ZMYND12: variants seen among roughly 807,000 people sequenced by gnomAD.
ZMYND12 encodes the protein zinc finger MYND-type containing 12.
Under a neutral mutation model 41.7 loss-of-function variants are expected in ZMYND12, and 32 were observed. That is an observed-to-expected ratio of 0.77 (90% CI 0.58 to 1.03). ZMYND12 has a LOEUF of 1.03. Ranked by LOEUF, ZMYND12 falls within the 50% of genes least tolerant of loss-of-function variation. ZMYND12 has a pLI of 0.00. For missense variants in ZMYND12, 424 were observed against 438.5 expected (o/e 0.97, Z 0.30); for synonymous variants, 148 against 164.8 (o/e 0.90, Z 0.78).
At chr1:42,433,018 T>G in intron 7 of ZMYND12, 125 bp downstream of exon 7, 1 of 1,227,128 alleles carries the variant, frequency 8.1e-7, no homozygotes, top group Non-Finnish European at 1.2e-6. Context: ...CATCTGAACC[T>G]CTTTGGAGTG....
intron 4 of ZMYND12, 80 bp from the exon 5 acceptor site, chr1:42,436,623 C>T (rs1202723776): frequency 6.0e-6 from 9 of 1,503,112 alleles, no homozygotes; most frequent in Admixed American, 2.1e-5. Flanking sequence ...ATCTAGAATA[C>T]ATACAAAAAA....
chr1:42,451,356 G>A (rs1046719144), intron 1 of ZMYND12, among the ~76,000 whole-genome samples: 1 of 152,162 alleles, frequency 6.6e-6, no homozygotes, highest in African/African-American at 2.4e-5. Flanking sequence ...GTTGTTAGAT[G>A]CATAGTCATG....
At chr1:42,436,270 A>G in intron 5 of ZMYND12, 151 bp downstream of exon 5, 2 of 986,238 alleles carry the variant, frequency 2.0e-6, no homozygotes, top group Non-Finnish European at 2.9e-6. Flanking sequence ...GGAGTATATC[A>G]TGTATCAGGC....
At chr1:42,453,131 A>C (rs746644184) in intron 1 of ZMYND12, among the ~76,000 whole-genome samples, 5 of 152,216 alleles carry the variant, frequency 3.3e-5, no homozygotes, top group East Asian at 1.9e-4. Flanking sequence ...ATAGAACAAC[A>C]ACCTCAGTTT....
chr1:42,439,259 TTC>T (rs935759143), intron 4 of ZMYND12, among the ~76,000 whole-genome samples: 8 of 142,672 alleles, frequency 5.6e-5, no homozygotes, highest in African/African-American at 2.1e-4. Flanking sequence ...AGCAAAGCCC[TTC>T]TCTCTCTCTC....
Position 42,439,850 on chromosome 1 carries a change from G to A in ZMYND12, c.594+6C>T. 1.2e-6 allele frequency: 2 copies of A among 1,603,662 alleles called. No individual in the cohort carries two copies. The highest frequency in any genetic ancestry group is 2.7e-5 in the African/African-American group (2 of 74,410). On this transcript the variant is annotated splice_donor_region_variant and intron_variant, in intron 4 of 7. Coordinates refer to ENST00000372565, the MANE Select transcript of ZMYND12 (RefSeq NM_032257.5). Reference sequence around the variant, plus strand: ...ATATACAGGTGTTATAACTTAGCTTGTTTACATCATTGGCCAGATGATAAC... The same window carrying A: ...ATATACAGGTGTTATAACTTAGCTTATTTACATCATTGGCCAGATGATAAC...
intron 7 of ZMYND12, among the ~76,000 whole-genome samples, chr1:42,431,605 T>C (rs1005120409): frequency 6.6e-6 from 1 of 152,208 alleles, no homozygotes; most frequent in South Asian, 2.1e-4. Flanking sequence ...GATGGATAGA[T>C]AGATGTGTGC....
At chr1:42,447,431 T>G (rs1442637996) in intron 3 of ZMYND12, among the ~76,000 whole-genome samples, 1 of 152,234 alleles carries the variant, frequency 6.6e-6, no homozygotes, top group African/African-American at 2.4e-5. Context: ...AGAGTTTTGT[T>G]GCCAACACAT....
chr1:42,432,225 TTTTTA>T (rs1642861591), intron 7 of ZMYND12, among the ~76,000 whole-genome samples: 1 of 151,550 alleles, frequency 6.6e-6, no homozygotes, highest in Non-Finnish European at 1.5e-5. Flanking sequence ...CCGGCTGATC[TTTTTA>T]TTTTTATTTT....
intron 3 of ZMYND12, among the ~76,000 whole-genome samples, chr1:42,443,854 A>C (rs1232359370): frequency 2.0e-5 from 3 of 152,196 alleles, no homozygotes; most frequent in Non-Finnish European, 4.4e-5. Context: ...CTTAAAATCA[A>C]GTGAAGTAGG....
At chr1:42,447,094 C>T (rs1481924591) in intron 3 of ZMYND12, among the ~76,000 whole-genome samples, 3 of 151,996 alleles carry the variant, frequency 2.0e-5, no homozygotes, top group East Asian at 1.9e-4. Context: ...TTTCAAAGGA[C>T]GTATCCATGA....
chr1:42,452,184 T>C (rs1010547010), intron 1 of ZMYND12, among the ~76,000 whole-genome samples: 3 of 152,210 alleles, frequency 2.0e-5, no homozygotes, highest in African/African-American at 7.2e-5. Flanking sequence ...TGCAATATTT[T>C]TTGCAATAAT....
chr1:42,443,612 G>GAATC (rs1642991983), intron 3 of ZMYND12, among the ~76,000 whole-genome samples: 1 of 152,132 alleles, frequency 6.6e-6, no homozygotes, highest in Non-Finnish European at 1.5e-5. Context: ...GAAGAAAAGG[G>GAATC]AATCTGTATT....
At chr1:42,446,022 G>T (rs1350118476) in intron 3 of ZMYND12, among the ~76,000 whole-genome samples, 54 of 152,150 alleles carry the variant, frequency 3.5e-4, no homozygotes, top group Admixed American at 3.5e-3. Context: ...TCAGACCTGG[G>T]CAGGGTGAGC....
chr1:42,449,905 C>G lies in ZMYND12; in HGVS notation c.252+13G>C. The G allele has an allele frequency of 6.2e-7, 1 of 1,608,628 alleles. No homozygotes were observed. The highest frequency in any genetic ancestry group is 8.5e-7 in the Non-Finnish European group (1 of 1,179,926). On this transcript the variant is annotated intron_variant, in intron 2 of 7. Coordinates refer to ENST00000372565, the MANE Select transcript of ZMYND12 (RefSeq NM_032257.5). ...ACCTACGACTTAACCTTGGAAAGTGCCGTAGGCCCTACCTGCCGCTGCTGC... is the reference window on the plus strand; with the variant it reads ...ACCTACGACTTAACCTTGGAAAGTGGCGTAGGCCCTACCTGCCGCTGCTGC...
In ZMYND12 at chr1:42,456,009, C is replaced by T; in HGVS notation, c.-12G>A. ...TAGATCACATTCATGGTGCAGCCAG[C>T]AGTGCTGGTCTCTAAGACGGTTGCC... On this transcript the variant is annotated 5_prime_UTR_variant, in exon 1 of 8. Transcript: ENST00000372565. 6.3e-7 allele frequency: 1 copy of T among 1,596,326 alleles called. No individual in the cohort carries two copies. Among genetic ancestry groups the T allele is most frequent in the Non-Finnish European group, 8.6e-7 (1 of 1,167,396 alleles).
In ZMYND12 at chr1:42,448,473, T is replaced by C; in HGVS notation, c.418A>G (p.Ser140Gly). Residue 140 changes from serine to glycine, a missense_variant, in exon 3 of 8, where the codon AGC (serine) becomes GGC (glycine). Physicochemically the swap from Ser to Gly is moderately conservative, Grantham distance 56. Transcript: ENST00000372565. ...TCAAGTCGGTTTCACTCACCAAGGC[T>C]GGCCTCGGCCAACAGCAGGTAAGCA... is the stretch of plus-strand genomic sequence containing the variant. ...VPAYLLLAEA[S>G]LGLGRIVQAE... 2 of 1,595,824 alleles carry C rather than the reference T, an allele frequency of 1.3e-6. No individual in the cohort carries two copies. Among genetic ancestry groups the C allele is most frequent in the Non-Finnish European group, 1.7e-6 (2 of 1,170,170 alleles).
In ZMYND12 at chr1:42,448,030, C is replaced by G. The variant is rs1161756014; in HGVS notation, c.424+437G>C. On this transcript the variant is annotated intron_variant, in intron 3 of 7. Coordinates refer to ENST00000372565, the MANE Select transcript of ZMYND12 (RefSeq NM_032257.5). ...ACTTCAAACCTAGAAAACACGTAAA[C>G]TGAAAAACTCCATCTGACATTTTGG... Among the ~76,000 whole-genome samples, 4 of 152,306 alleles carry G rather than the reference C, an allele frequency of 2.6e-5. No homozygotes were observed. In the East Asian group the frequency reaches 7.7e-4, roughly 29 times the overall value.
intron 7 of ZMYND12, 60 bp from the exon 8 acceptor site, chr1:42,430,918 C>T (rs1642842193): frequency 3.1e-6 from 5 of 1,601,806 alleles, no homozygotes; most frequent in Middle Eastern, 3.3e-4. Flanking sequence ...CACTGGGAAG[C>T]CCCATCTGTG....
Sources: gnomAD v4.1 joint callset for allele counts (sites outside exome capture counted in the v4.1 genomes callset) on GRCh38, gnomAD v4.1.1 for gene constraint, MANE v1.5 for transcripts, NCBI Gene and HGNC (gene_info 2026-07-23, HGNC 2026-07-21) for gene names.